Variants in WWTR1 observed in about 807,000 individuals in gnomAD.
WWTR1 encodes the protein WW domain containing transcription regulator 1.
In WWTR1, 13 loss-of-function variants were observed where a neutral mutation model predicts 40.1. That is an observed-to-expected ratio of 0.32 (90% CI 0.21 to 0.52). The LOEUF (loss-of-function observed/expected upper bound fraction) is 0.52. WWTR1 is among the 20% of genes least tolerant of loss of function. The probability of loss-of-function intolerance (pLI) is 0.97; values close to 1 mark genes in which losing one functional copy is unlikely to be tolerated. For missense variants in WWTR1, 436 were observed against 523.1 expected, an observed-to-expected ratio of 0.83 and a Z score of 1.63; for synonymous variants, 230 against 210.1, an observed-to-expected ratio of 1.09 and a Z score of -0.82.
chr3:149,548,289 C>T (rs1736461146), intron 3 of WWTR1, among the ~76,000 whole-genome samples: 2 of 152,218 alleles, frequency 1.3e-5, no homozygotes, highest in Non-Finnish European at 2.9e-5. Flanking sequence ...CAGAGAGCCA[C>T]AGCTCGTAGA....
At chr3:149,523,373 C>T (rs1001658206) in intron 6 of WWTR1, among the ~76,000 whole-genome samples, 2 of 152,246 alleles carry the variant, frequency 1.3e-5, no homozygotes, top group South Asian at 2.1e-4. Flanking sequence ...CTCAGCTTCC[C>T]GAGTGGCTGG....
chr3:149,623,073 G>A (rs908745846), intron 2 of WWTR1, among the ~76,000 whole-genome samples: 1 of 152,134 alleles, frequency 6.6e-6, no homozygotes, highest in African/African-American at 2.4e-5. Flanking sequence ...CTTTGAGAAT[G>A]TTTATCAGCT....
chr3:149,594,116 T>C (rs907693885), intron 2 of WWTR1, among the ~76,000 whole-genome samples: 1 of 152,236 alleles, frequency 6.6e-6, no homozygotes, highest in African/African-American at 2.4e-5. Flanking sequence ...AAAATTCTAC[T>C]TCATTTCTTA....
chr3:149,561,930 A>G lies in WWTR1; in HGVS notation c.568+10934T>C, dbSNP rs373846689. Among the ~76,000 whole-genome samples, 5 of 152,290 alleles carry G rather than the reference A, an allele frequency of 3.3e-5. No individual in the cohort carries two copies. In the East Asian group the frequency reaches 7.7e-4, roughly 24 times the overall value. The stretch of plus-strand genomic sequence containing the variant: ...TAATTTTTCATAAATACCCTTTGGA[A>G]CTATTTGGATTTTTTGCCATATGCG... On this transcript the variant is annotated intron_variant, in intron 3 of 6. Coordinates refer to ENST00000360632, the MANE Select transcript of WWTR1 (RefSeq NM_015472.6).
chr3:149,548,122 C>T (rs1407190715), intron 3 of WWTR1, among the ~76,000 whole-genome samples: 1 of 152,098 alleles, frequency 6.6e-6, no homozygotes, highest in Non-Finnish European at 1.5e-5. Flanking sequence ...GGGCAATATA[C>T]ACTTGGTCAT....
chr3:149,645,378 C>T (rs1291996370), intron 2 of WWTR1, among the ~76,000 whole-genome samples: 3 of 152,044 alleles, frequency 2.0e-5, no homozygotes, highest in Non-Finnish European at 2.9e-5. Context: ...CACGCCTGGC[C>T]CCAGGCTGCT....
intron 2 of WWTR1, among the ~76,000 whole-genome samples, chr3:149,666,393 A>G (rs1713819213): frequency 6.6e-6 from 1 of 152,210 alleles, no homozygotes; most frequent in Non-Finnish European, 1.5e-5. Context: ...ACATGCTTAA[A>G]AATGGCTAAA....
intron 2 of WWTR1, among the ~76,000 whole-genome samples, chr3:149,588,207 T>C (rs1356438995): frequency 1.3e-5 from 2 of 152,338 alleles, no homozygotes; most frequent in South Asian, 4.1e-4. Context: ...CCTTCCATCT[T>C]TTCTCCAGCC....
At chr3:149,635,649 GAGA>G (rs921687347) in intron 2 of WWTR1, among the ~76,000 whole-genome samples, 19 of 137,024 alleles carry the variant, frequency 1.4e-4, no homozygotes, top group African/African-American at 5.6e-4. Context: ...AAGGAAGAAG[GAGA>G]AGAAGAAAAA....
intron 2 of WWTR1, among the ~76,000 whole-genome samples, chr3:149,599,814 CA>C (rs1287896678): frequency 6.6e-6 from 1 of 152,082 alleles, no homozygotes; most frequent in Non-Finnish European, 1.5e-5. Flanking sequence ...GTTACATGTT[CA>C]AAAACATCAA....
chr3:149,700,835 C>T (rs116777151), intron 1 of WWTR1, among the ~76,000 whole-genome samples: 1,596 of 152,208 alleles, frequency 0.01, 30 homozygotes, highest in African/African-American at 0.036. Flanking sequence ...AAAAGAAAGC[C>T]GTGCCCAATA....
intron 2 of WWTR1, among the ~76,000 whole-genome samples, chr3:149,595,451 CTATTTAAG>C (rs1186235983): frequency 6.6e-6 from 1 of 151,914 alleles, no homozygotes; most frequent in East Asian, 1.9e-4. Flanking sequence ...TTAGAGGCAA[CTATTTAAG>C]TATTTAGGAG....
chr3:149,546,567 C>A (rs997756208), intron 3 of WWTR1, among the ~76,000 whole-genome samples: 3 of 152,220 alleles, frequency 2.0e-5, no homozygotes, highest in African/African-American at 7.2e-5. Flanking sequence ...ACAGCGAGCA[C>A]CTCGGCAGAA....
intron 2 of WWTR1, among the ~76,000 whole-genome samples, chr3:149,622,008 A>G (rs756551900): frequency 5.9e-5 from 9 of 152,108 alleles, no homozygotes; most frequent in Non-Finnish European, 1.0e-4. Flanking sequence ...ATATTTTGGT[A>G]GAGATTATGA....
At chr3:149,619,180 G>T (rs922340791) in intron 2 of WWTR1, among the ~76,000 whole-genome samples, 9 of 152,150 alleles carry the variant, frequency 5.9e-5, no homozygotes, top group Admixed American at 1.3e-4. Context: ...AGCCAGAGAG[G>T]CAGGGAGTAT....
intron 2 of WWTR1, among the ~76,000 whole-genome samples, chr3:149,635,994 G>A (rs1438049584): frequency 6.6e-6 from 1 of 151,970 alleles, no homozygotes; most frequent in African/African-American, 2.4e-5. Context: ...TCAAATCTTG[G>A]GTCTGTGTGA....
chr3:149,636,489 G>A (rs2108117693), intron 2 of WWTR1, among the ~76,000 whole-genome samples: 1 of 152,208 alleles, frequency 6.6e-6, no homozygotes, highest in East Asian at 1.9e-4. Context: ...TCCTTTCTTG[G>A]ATCTTCATTG....
At chr3:149,716,952 G>A (rs1007080950) in intron 5 of WWTR1, among the ~76,000 whole-genome samples, 2 of 152,166 alleles carry the variant, frequency 1.3e-5, no homozygotes, top group South Asian at 2.1e-4. Flanking sequence ...TGAGGTGGGC[G>A]GGTTACTTGA....
chr3:149,539,115 T>C (rs777059581), intron 4 of WWTR1, among the ~76,000 whole-genome samples: 2 of 152,216 alleles, frequency 1.3e-5, no homozygotes, highest in Non-Finnish European at 2.9e-5. Flanking sequence ...GGCATTGTGG[T>C]ATACATCAAA....
Sources: gnomAD v4.1 joint callset for allele counts (sites outside exome capture counted in the v4.1 genomes callset) on GRCh38, gnomAD v4.1.1 for gene constraint, MANE v1.5 for transcripts, NCBI Gene and HGNC (gene_info 2026-07-23, HGNC 2026-07-21) for gene names.